DOK6: variants seen among roughly 807,000 people sequenced by gnomAD.
DOK6 encodes downstream of tyrosine kinase 6.
In DOK6, 22 loss-of-function variants were observed where a neutral mutation model predicts 44.0. That is an observed-to-expected ratio of 0.50 (90% CI 0.36 to 0.71). The LOEUF (loss-of-function observed/expected upper bound fraction) is 0.71. Ranked by LOEUF, DOK6 falls within the 30% of genes least tolerant of loss-of-function variation. The pLI is 0.00. For synonymous variants in DOK6, 166 were observed against 145.5 expected, an observed-to-expected ratio of 1.14 and a Z score of -1.01; for missense variants, 340 against 416.4, an observed-to-expected ratio of 0.82 and a Z score of 1.60.
chr18:69,402,470 A>G (rs914029870), intron 1 of DOK6, among the ~76,000 whole-genome samples: 2 of 152,218 alleles, frequency 1.3e-5, no homozygotes, highest in Non-Finnish European at 2.9e-5. Context: ...AGTGGAAGAA[A>G]GATAAGGTAG....
chr18:69,649,114 C>T (rs1006795557), intron 3 of DOK6, among the ~76,000 whole-genome samples: 2 of 152,222 alleles, frequency 1.3e-5, no homozygotes, highest in African/African-American at 4.8e-5. Context: ...GTGGATATGT[C>T]CATTCCCAAG....
intron 6 of DOK6, among the ~76,000 whole-genome samples, chr18:69,742,775 C>T (rs925590859): frequency 6.6e-6 from 1 of 152,186 alleles, no homozygotes; most frequent in African/African-American, 2.4e-5. Flanking sequence ...ATTGCATGTC[C>T]TTTGACTCCT....
At chr18:69,568,109 C>T (rs1345301700) in intron 2 of DOK6, among the ~76,000 whole-genome samples, 1 of 152,206 alleles carries the variant, frequency 6.6e-6, no homozygotes, top group African/African-American at 2.4e-5. Context: ...CAAGCCCAAC[C>T]TGTGCCCTGG....
At chr18:69,774,650 G>A (rs1980007518) in intron 7 of DOK6, among the ~76,000 whole-genome samples, 1 of 151,896 alleles carries the variant, frequency 6.6e-6, no homozygotes, top group African/African-American at 2.4e-5. Context: ...TTGTAGGATA[G>A]GAGGAAATCA....
At chr18:69,618,714 A>AATCAC (rs1411195157) in intron 3 of DOK6, 2 of 152,130 alleles carry the variant, frequency 1.3e-5, no homozygotes. Flanking sequence ...AGTATGGGGG[A>AATCAC]AACTGCCCTC....
intron 1 of DOK6, among the ~76,000 whole-genome samples, chr18:69,441,197 T>C (rs1223530652): frequency 6.6e-6 from 1 of 152,120 alleles, no homozygotes; most frequent in Admixed American, 6.6e-5. Context: ...TAAAGTAACA[T>C]TTTATTACAG....
rs138594777 is a variant in DOK6, at chr18:69,709,796, G to A, written c.599+11203G>A. 2.9e-4 allele frequency among the ~76,000 whole-genome samples: 44 copies of A among 152,064 alleles called. No homozygotes were observed. In the East Asian group the frequency reaches 8.3e-3, roughly 29 times the overall value. On this transcript the variant is annotated intron_variant, in intron 5 of 7. Transcript: ENST00000382713. ...ATCTGTTCTTTCAAAACTATTTTTT[G>A]GTCTTTTATTTCTTCTAATATCTTT...
intron 1 of DOK6, among the ~76,000 whole-genome samples, chr18:69,473,436 A>G (rs1327815608): frequency 6.6e-6 from 1 of 152,198 alleles, no homozygotes; most frequent in African/African-American, 2.4e-5. Context: ...ATGTTCCCTC[A>G]TATTCCCCCA....
intron 7 of DOK6, among the ~76,000 whole-genome samples, chr18:69,804,548 A>G (rs1168964999): frequency 6.6e-6 from 1 of 152,234 alleles, no homozygotes; most frequent in African/African-American, 2.4e-5. Context: ...TACACATTAT[A>G]TGAACTGTCC....
At chr18:69,686,143 T>C (rs931163439) in intron 4 of DOK6, among the ~76,000 whole-genome samples, 39 of 151,652 alleles carry the variant, frequency 2.6e-4, no homozygotes, top group African/African-American at 7.7e-4. Flanking sequence ...AGGAAGAAAA[T>C]GGCCCAGTAC....
intron 7 of DOK6, among the ~76,000 whole-genome samples, chr18:69,762,098 C>CCCA (rs1979575630): frequency 6.6e-6 from 1 of 152,094 alleles, no homozygotes; most frequent in Non-Finnish European, 1.5e-5. Context: ...ATTGCTTGAG[C>CCCA]CCAGGAGTTA....
chr18:69,746,345 C>T (rs1978984893), intron 6 of DOK6, among the ~76,000 whole-genome samples: 2 of 152,110 alleles, frequency 1.3e-5, no homozygotes, highest in Admixed American at 1.3e-4. Flanking sequence ...TGGCTCTCTA[C>T]CTCCTAGTTT....
intron 5 of DOK6, among the ~76,000 whole-genome samples, chr18:69,708,951 C>T (rs753149904): frequency 3.5e-4 from 53 of 152,296 alleles, no homozygotes; most frequent in Middle Eastern, 3.4e-3. Flanking sequence ...AATCAACATT[C>T]TTTCACGAAA....
chr18:69,618,708 TGGGG>T (rs1165298586), intron 3 of DOK6: 2 of 152,014 alleles, frequency 1.3e-5, no homozygotes. Context: ...TACAACAGTA[TGGGG>T]GAAACTGCCC....
At chr18:69,584,214 A>C (rs1228276730) in intron 2 of DOK6, among the ~76,000 whole-genome samples, 1 of 152,090 alleles carries the variant, frequency 6.6e-6, no homozygotes, top group Non-Finnish European at 1.5e-5. Context: ...TCACCATATA[A>C]TTTTTAAACA....
At chr18:69,765,241 T>TA (rs1979682136) in intron 7 of DOK6, among the ~76,000 whole-genome samples, 1 of 152,194 alleles carries the variant, frequency 6.6e-6, no homozygotes, top group Non-Finnish European at 1.5e-5. Context: ...TAGCCAATTT[T>TA]AAAAAATATA....
intron 7 of DOK6, chr18:69,781,289 C>T (rs552408998): frequency 1.3e-5 from 2 of 152,172 alleles, no homozygotes; most frequent in South Asian, 2.1e-4. Flanking sequence ...ATGTTTTCTC[C>T]CATGACATTC....
At chr18:69,608,764 A>T (rs1173356686) in intron 3 of DOK6, among the ~76,000 whole-genome samples, 4 of 152,026 alleles carry the variant, frequency 2.6e-5, no homozygotes, top group African/African-American at 9.7e-5. Context: ...AGCCTGGCCA[A>T]CATGGTGAAA....
chr18:69,835,420 G>T (rs982971975), intron 7 of DOK6, among the ~76,000 whole-genome samples: 3 of 151,394 alleles, frequency 2.0e-5, no homozygotes, highest in African/African-American at 7.3e-5. Flanking sequence ...AGCCAAAATC[G>T]CACCACTGCA....
Sources: allele counts gnomAD v4.1 joint callset (sites outside exome capture counted in the v4.1 genomes callset), GRCh38; gene constraint gnomAD v4.1.1; transcripts MANE v1.5; gene names NCBI Gene and HGNC (gene_info 2026-07-23, HGNC 2026-07-21).